NCOA1: variants seen among roughly 807,000 people sequenced by gnomAD.
NCOA1 encodes Hin-2 protein.
Under a neutral mutation model 150.9 loss-of-function variants are expected in NCOA1, and 35 were observed. The ratio of observed to expected loss-of-function variants is 0.23; its 90% confidence interval spans 0.18 to 0.31. The LOEUF (loss-of-function observed/expected upper bound fraction) is 0.31, where lower values mean the gene tolerates loss of function less well. Among genes scored for constraint, NCOA1 ranks in the 10% least tolerant of loss-of-function variants. NCOA1 has a pLI of 1.00. For missense variants in NCOA1, 1,491 were observed against 1,749.3 expected (o/e 0.85, Z 2.63); for synonymous variants, 590 against 630.0 (o/e 0.94, Z 0.95).
intron 19 of NCOA1, among the ~76,000 whole-genome samples, chr2:24,744,168 G>C (rs1663763132): frequency 6.6e-6 from 1 of 152,202 alleles, no homozygotes; most frequent in Admixed American, 6.5e-5. Flanking sequence ...GTACCATAAT[G>C]GGAAAGATGT....
At chr2:24,728,235 A>T in intron 15 of NCOA1, 73 bp from the exon 16 acceptor site, 1 of 1,337,968 alleles carries the variant, frequency 7.5e-7, no homozygotes, top group Non-Finnish European at 1.0e-6. Context: ...ATTTGCATCT[A>T]TATATGTATA....
chr2:24,635,079 T>A (rs2148441567), intron 3 of NCOA1, among the ~76,000 whole-genome samples: 1 of 152,264 alleles, frequency 6.6e-6, no homozygotes, highest in South Asian at 2.1e-4. Context: ...AATAACCATG[T>A]AATAATTACT....
chr2:24,495,864 C>G (rs2148061845), intron 1 of NCOA1, among the ~76,000 whole-genome samples: 1 of 152,282 alleles, frequency 6.6e-6, no homozygotes, highest in South Asian at 2.1e-4. Flanking sequence ...ATATTGTAAT[C>G]TTTAAAATTA....
chr2:24,688,645 A>G (rs113297466), intron 8 of NCOA1, among the ~76,000 whole-genome samples: 23,038 of 152,178 alleles, frequency 0.15, 2,116 homozygotes, highest in Non-Finnish European at 0.21. Context: ...AATACTGGAT[A>G]TTAGACTTTT....
At chr2:24,698,958 T>C (rs1673029334) in intron 11 of NCOA1, among the ~76,000 whole-genome samples, 1 of 152,206 alleles carries the variant, frequency 6.6e-6, no homozygotes, top group Non-Finnish European at 1.5e-5. Context: ...AGTGGTTCTC[T>C]AATGGGCTCC....
At chr2:24,609,676 A>T (rs1282769046) in intron 3 of NCOA1, among the ~76,000 whole-genome samples, 1 of 151,610 alleles carries the variant, frequency 6.6e-6, no homozygotes, top group East Asian at 1.9e-4. Flanking sequence ...TATTCTCTTT[A>T]TTGTGCATTT....
intron 1 of NCOA1, among the ~76,000 whole-genome samples, chr2:24,554,114 T>A (rs1322151883): frequency 1.3e-5 from 2 of 152,166 alleles, no homozygotes; most frequent in Admixed American, 1.3e-4. Context: ...TGGTTAGAAA[T>A]TTATTTAGTT....
At chr2:24,631,642 A>T (rs1235555746) in intron 3 of NCOA1, among the ~76,000 whole-genome samples, 2 of 152,150 alleles carry the variant, frequency 1.3e-5, no homozygotes, top group Admixed American at 6.5e-5. Context: ...ATTAAGCCAC[A>T]ATTTCTTTTG....
chr2:24,537,713 TTAAA>T (rs958960542), intron 1 of NCOA1, among the ~76,000 whole-genome samples: 4 of 152,122 alleles, frequency 2.6e-5, no homozygotes, highest in Non-Finnish European at 4.4e-5. Flanking sequence ...GGGGTTTTTG[TTAAA>T]TAAGTAGATT....
Position 24,691,499 on chromosome 2 carries a change from C to A in NCOA1, c.551C>A (p.Pro184His). The A allele has an allele frequency of 6.2e-7, 1 of 1,613,756 alleles. No homozygotes were observed. Among genetic ancestry groups the A allele is most frequent in the Non-Finnish European group, 8.5e-7 (1 of 1,179,864 alleles). Reference protein sequence around the residue: ...PKSLVNGVPWPQEATRRNSHT... With the variant: ...PKSLVNGVPWHQEATRRNSHT... ...TCCTCAGTAAATGGAGTTCCTTGGC[C>A]TCAAGAGGCAACACGACGAAATAGC... The change falls in exon 9 of 23, where the codon CCT becomes CAT. Residue 184 changes from proline (P) to histidine (H), a missense_variant. Physicochemically the swap from Pro to His is moderately conservative, Grantham distance 77. Coordinates refer to ENST00000348332, the MANE Select transcript of NCOA1 (RefSeq NM_003743.5).
At chr2:24,544,307 A>G (rs1173419025) in intron 1 of NCOA1, among the ~76,000 whole-genome samples, 2 of 152,100 alleles carry the variant, frequency 1.3e-5, no homozygotes, top group Admixed American at 6.6e-5. Flanking sequence ...AGTTTAGGAG[A>G]GAGATTTGGG....
chr2:24,648,423 C>T (rs1489859150), intron 4 of NCOA1, among the ~76,000 whole-genome samples: 2 of 152,126 alleles, frequency 1.3e-5, no homozygotes, highest in African/African-American at 2.4e-5. Flanking sequence ...CAGGCATCCG[C>T]CACCACACCT....
intron 3 of NCOA1, among the ~76,000 whole-genome samples, chr2:24,597,928 T>G (rs1200451081): frequency 6.6e-6 from 1 of 152,070 alleles, no homozygotes; most frequent in East Asian, 1.9e-4. Context: ...TCCCTCCCAT[T>G]TCCCCCCTCC....
chr2:24,723,195 A>G (rs1674445183), intron 14 of NCOA1, among the ~76,000 whole-genome samples: 1 of 152,166 alleles, frequency 6.6e-6, no homozygotes, highest in South Asian at 2.1e-4. Context: ...TAAAATACAA[A>G]TAGTGTCATA....
At chr2:24,687,609 A>G (rs967905507) in intron 8 of NCOA1, among the ~76,000 whole-genome samples, 4 of 152,126 alleles carry the variant, frequency 2.6e-5, no homozygotes, top group Non-Finnish European at 5.9e-5. Context: ...AGAGGAAGCA[A>G]TTGCCTTCTT....
rs529001596 is a variant in NCOA1, at chr2:24,525,838, G to A, written c.-396+34236G>A. On this transcript the variant is annotated intron_variant, in intron 1 of 22. Coordinates refer to ENST00000348332, the MANE Select transcript of NCOA1 (RefSeq NM_003743.5). Reference sequence around the variant, plus strand: ...GCTGGGATTACAGGCATGAGCCCCCGAGCCCGACCTTATGTTAGAAATTTC... The same window carrying A: ...GCTGGGATTACAGGCATGAGCCCCCAAGCCCGACCTTATGTTAGAAATTTC... Among the ~76,000 whole-genome samples, 51 of 152,188 alleles carry A rather than the reference G, an allele frequency of 3.4e-4. 1 individual carries two copies. In the South Asian group the frequency reaches 0.01, roughly 30 times the overall value.
intron 1 of NCOA1, among the ~76,000 whole-genome samples, chr2:24,533,131 G>A (rs753014179): frequency 2.0e-5 from 3 of 152,160 alleles, no homozygotes; most frequent in African/African-American, 7.2e-5. Flanking sequence ...ATTTCATTGA[G>A]CAGTGGTTTG....
chr2:24,603,681 G>T (rs1668228854), intron 3 of NCOA1, among the ~76,000 whole-genome samples: 1 of 152,068 alleles, frequency 6.6e-6, no homozygotes, highest in South Asian at 2.1e-4. Context: ...CACTTTTCAG[G>T]CTCCATTTCG....
At chr2:24,651,521 T>C (rs1670711335) in intron 4 of NCOA1, among the ~76,000 whole-genome samples, 1 of 151,950 alleles carries the variant, frequency 6.6e-6, no homozygotes, top group African/African-American at 2.4e-5. Flanking sequence ...TATACAGAGA[T>C]AGAGAATAAA....
Sources: gnomAD v4.1 joint callset for allele counts (sites outside exome capture counted in the v4.1 genomes callset) on GRCh38, gnomAD v4.1.1 for gene constraint, MANE v1.5 for transcripts, NCBI Gene and HGNC (gene_info 2026-07-23, HGNC 2026-07-21) for gene names.